CPE: variants seen among roughly 807,000 people sequenced by gnomAD.
The protein encoded by CPE is carboxypeptidase E.
A neutral mutation model predicts 53.5 loss-of-function variants in CPE; 17 were observed. The observed-to-expected ratio is 0.32, with a 90% CI of 0.22 to 0.48. The LOEUF (loss-of-function observed/expected upper bound fraction) is 0.48, where lower values mean the gene tolerates loss of function less well. Ranked by LOEUF, CPE falls within the 20% of genes least tolerant of loss-of-function variation. The pLI, the probability that CPE is intolerant of heterozygous loss-of-function variation, is 0.99. For missense variants in CPE, 524 were observed against 614.7 expected (o/e 0.85, Z 1.56); for synonymous variants, 226 against 228.8 (o/e 0.99, Z 0.11).
intron 1 of CPE, among the ~76,000 whole-genome samples, chr4:165,460,130 T>C (rs1306730923): frequency 1.3e-5 from 2 of 151,966 alleles, no homozygotes; most frequent in Admixed American, 1.3e-4. Context: ...AAACCTGTGT[T>C]TTTTTCTTCT....
chr4:165,432,787 T>C (rs1168944087), intron 1 of CPE, among the ~76,000 whole-genome samples: 1 of 152,164 alleles, frequency 6.6e-6, no homozygotes. Flanking sequence ...CCATGTGGCC[T>C]AAACAGCGCA....
At chr4:165,469,449 T>C (rs1464082164) in intron 3 of CPE, among the ~76,000 whole-genome samples, 1 of 152,184 alleles carries the variant, frequency 6.6e-6, no homozygotes, top group Non-Finnish European at 1.5e-5. Flanking sequence ...TTCGATACCC[T>C]ATAGACTCAA....
intron 1 of CPE, among the ~76,000 whole-genome samples, chr4:165,423,393 A>T (rs921150566): frequency 6.6e-6 from 1 of 152,022 alleles, no homozygotes; most frequent in Non-Finnish European, 1.5e-5. Flanking sequence ...TTTTTAAAAA[A>T]GTTTTATGCC....
rs771746347 is a variant in CPE at position 165,445,611 on chromosome 4, C to T, written c.308-18779C>T. On this transcript the variant is annotated intron_variant, in intron 1 of 8. Transcript: ENST00000402744. ...GATTTAACAAAAAAGGTGCAACTCCCACATGAAGAAAGATGTACTTATTGA... is the reference window on the plus strand; with the variant it reads ...GATTTAACAAAAAAGGTGCAACTCCTACATGAAGAAAGATGTACTTATTGA... Among the ~76,000 whole-genome samples the T allele has an allele frequency of 1.5e-3, 229 of 152,148 alleles. 2 individuals are homozygous for T. The highest frequency in any genetic ancestry group is 2.3e-3 in the Non-Finnish European group (155 of 67,992).
At chr4:165,476,948 G>T (rs984414935) in intron 3 of CPE, among the ~76,000 whole-genome samples, 2 of 152,228 alleles carry the variant, frequency 1.3e-5, no homozygotes, top group Non-Finnish European at 2.9e-5. Flanking sequence ...GGTAAACCAC[G>T]AGGGCTGAGA....
intron 1 of CPE, among the ~76,000 whole-genome samples, chr4:165,461,910 G>T (rs542802276): frequency 6.6e-6 from 1 of 152,210 alleles, no homozygotes; most frequent in African/African-American, 2.4e-5. Flanking sequence ...GAAGGAGTTA[G>T]AGATACACTT....
intron 1 of CPE, among the ~76,000 whole-genome samples, chr4:165,396,326 A>G: frequency 6.6e-6 from 1 of 152,152 alleles, no homozygotes; most frequent in East Asian, 1.9e-4. Flanking sequence ...AGATAGATCT[A>G]AAGAAGTGAG....
At chr4:165,493,984 AT>A (rs1255162753) in intron 7 of CPE, among the ~76,000 whole-genome samples, 1 of 152,066 alleles carries the variant, frequency 6.6e-6, no homozygotes, top group Non-Finnish European at 1.5e-5. Context: ...ACTCTTTACA[AT>A]TTTTTTTAGA....
rs562585027 is a variant in CPE at position 165,385,489 on chromosome 4, G to C, written c.307+5961G>C. Among the ~76,000 whole-genome samples the C allele has an allele frequency of 3.7e-5, 5 of 135,952 alleles. No individual in the cohort carries two copies. In the South Asian group the frequency reaches 7.0e-4, roughly 19 times the overall value. 89.2% of individuals were successfully genotyped at this position (135,952 alleles called of 152,430 possible). On this transcript the variant is annotated intron_variant, in intron 1 of 8. Transcript: ENST00000402744. Reference sequence around the variant, plus strand: ...GATGGGGTCTTGCTGTGTCACCCAGGCTGGAGTGAAGTGGCACGATCATGG... The same window carrying C: ...GATGGGGTCTTGCTGTGTCACCCAGCCTGGAGTGAAGTGGCACGATCATGG...
chr4:165,395,818 A>G (rs1249909193), intron 1 of CPE, among the ~76,000 whole-genome samples: 2 of 152,208 alleles, frequency 1.3e-5, no homozygotes, highest in Non-Finnish European at 2.9e-5. Flanking sequence ...GCATTTCAGA[A>G]ATAGAATTAC....
chr4:165,473,263 A>G (rs1228551631), intron 3 of CPE, among the ~76,000 whole-genome samples: 1 of 152,250 alleles, frequency 6.6e-6, no homozygotes, highest in Non-Finnish European at 1.5e-5. Flanking sequence ...AATTTAGGAC[A>G]AGAATTTACC....
chr4:165,471,346 A>C (rs372908403), intron 3 of CPE, among the ~76,000 whole-genome samples: 1 of 152,204 alleles, frequency 6.6e-6, no homozygotes, highest in Non-Finnish European at 1.5e-5. Flanking sequence ...ACAAAAACTC[A>C]AAAACAACTG....
chr4:165,432,294 T>C (rs1221370001), intron 1 of CPE, among the ~76,000 whole-genome samples: 1 of 152,092 alleles, frequency 6.6e-6, no homozygotes, highest in African/African-American at 2.4e-5. Flanking sequence ...GATTTTAAAA[T>C]CATTTTTGTG....
At chr4:165,390,259 T>C (rs1278741211) in intron 1 of CPE, among the ~76,000 whole-genome samples, 2 of 152,172 alleles carry the variant, frequency 1.3e-5, no homozygotes, top group Non-Finnish European at 2.9e-5. Flanking sequence ...AGGCTGGTCG[T>C]GTTTCTTGTT....
chr4:165,455,877 T>A (rs1187109849), intron 1 of CPE, among the ~76,000 whole-genome samples: 1 of 152,192 alleles, frequency 6.6e-6, no homozygotes, highest in East Asian at 1.9e-4. Flanking sequence ...GGTGTGGAAC[T>A]CCTGACCTCA....
At chr4:165,409,678 C>T (rs1731006798) in intron 1 of CPE, among the ~76,000 whole-genome samples, 1 of 152,062 alleles carries the variant, frequency 6.6e-6, no homozygotes, top group Non-Finnish European at 1.5e-5. Flanking sequence ...CAATGCTTTC[C>T]TAAGAAACTG....
At chr4:165,436,086 T>A (rs1731496613) in intron 1 of CPE, among the ~76,000 whole-genome samples, 1 of 152,152 alleles carries the variant, frequency 6.6e-6, no homozygotes, top group Non-Finnish European at 1.5e-5. Flanking sequence ...ACTCTGTTCT[T>A]GACCTTCCTC....
Position 165,445,868 on chromosome 4 carries a change from G to C in CPE, c.308-18522G>C, listed in dbSNP as rs186506898. ...TAGTCCTACTGGCTATTAATACATG[G>C]TTCTAAGATTCTTTTAGCAAAACAG... On this transcript the variant is annotated intron_variant, in intron 1 of 8. Coordinates refer to ENST00000402744, the MANE Select transcript of CPE (RefSeq NM_001873.4). 2.6e-4 allele frequency among the ~76,000 whole-genome samples: 39 copies of C among 152,098 alleles called. No homozygotes were observed. In the East Asian group the frequency reaches 7.6e-3, roughly 29 times the overall value.
At chr4:165,491,634 CTACTA>C (rs912000613) in intron 6 of CPE, among the ~76,000 whole-genome samples, 6 of 152,190 alleles carry the variant, frequency 3.9e-5, no homozygotes, top group East Asian at 1.9e-4. Flanking sequence ...TATATTTACT[CTACTA>C]TACTGGTTGC....
Sources: allele counts gnomAD v4.1 joint callset (sites outside exome capture counted in the v4.1 genomes callset), GRCh38; gene constraint gnomAD v4.1.1; transcripts MANE v1.5; gene names NCBI Gene and HGNC (gene_info 2026-07-23, HGNC 2026-07-21).